IL21R: variants seen among roughly 807,000 people sequenced by gnomAD.
IL21R encodes the protein interleukin 21 receptor.
In IL21R, 14 loss-of-function variants were observed where a neutral mutation model predicts 41.3. That is an observed-to-expected ratio of 0.34 (90% CI 0.22 to 0.53). The LOEUF is 0.53. IL21R is among the 20% of genes least tolerant of loss of function. The pLI is 0.94. For synonymous variants in IL21R, 286 were observed against 287.6 expected, an observed-to-expected ratio of 0.99 and a Z score of 0.05; for missense variants, 588 against 681.6, an observed-to-expected ratio of 0.86 and a Z score of 1.53.
chr16:27,439,700 C>A (rs2087346418), intron 4 of IL21R, among the ~76,000 whole-genome samples: 1 of 152,190 alleles, frequency 6.6e-6, no homozygotes, highest in Non-Finnish European at 1.5e-5. Flanking sequence ...ACCCTCCTTG[C>A]CACTTGTCTT....
At chr16:27,432,837 G>A (rs1375504499) in intron 2 of IL21R, among the ~76,000 whole-genome samples, 3 of 152,148 alleles carry the variant, frequency 2.0e-5, no homozygotes, top group Non-Finnish European at 4.4e-5. Context: ...GAAGCATTCC[G>A]AGGTCACACC....
At chr16:27,410,615 G>T (rs1174344180) in intron 1 of IL21R, among the ~76,000 whole-genome samples, 1 of 152,108 alleles carries the variant, frequency 6.6e-6, no homozygotes, top group Admixed American at 6.5e-5. Flanking sequence ...CCTTTCCTTT[G>T]CTAATCTAAC....
At chr16:27,440,383 C>T in intron 4 of IL21R, among the ~76,000 whole-genome samples, 1 of 151,846 alleles carries the variant, frequency 6.6e-6, no homozygotes, top group East Asian at 1.9e-4. Context: ...AAGCGATCCT[C>T]CCACTTCGGC....
At chr16:27,421,094 C>A (rs1400175511) in intron 1 of IL21R, among the ~76,000 whole-genome samples, 1 of 151,968 alleles carries the variant, frequency 6.6e-6, no homozygotes, top group African/African-American at 2.4e-5. Context: ...TGTTTTGGCA[C>A]CCTCATCAAG....
intron 3 of IL21R, 52 bp from the exon 4 acceptor site, chr16:27,437,436 C>T (rs2087290359): frequency 3.4e-6 from 5 of 1,471,952 alleles, no homozygotes; most frequent in Non-Finnish European, 4.7e-6. Context: ...AGCCCACCAC[C>T]ATCCCCCCTG....
At chr16:27,418,331 G>A (rs984886135) in intron 1 of IL21R, among the ~76,000 whole-genome samples, 2 of 151,620 alleles carry the variant, frequency 1.3e-5, no homozygotes, top group African/African-American at 4.8e-5. Context: ...CCCTTCCAAA[G>A]CGCTGGGATT....
At chr16:27,430,555 A>G (rs1186896784) in intron 2 of IL21R, among the ~76,000 whole-genome samples, 4 of 152,042 alleles carry the variant, frequency 2.6e-5, no homozygotes, top group Non-Finnish European at 5.9e-5. Context: ...GGTGGCTCCT[A>G]CTGGAATCCC....
At chr16:27,424,226 C>A (rs989296096) in intron 1 of IL21R, among the ~76,000 whole-genome samples, 1 of 152,084 alleles carries the variant, frequency 6.6e-6, no homozygotes, top group Non-Finnish European at 1.5e-5. Flanking sequence ...AGGTGCCCAC[C>A]ACCACACCTG....
At chr16:27,406,423 G>C (rs179771) in intron 1 of IL21R, among the ~76,000 whole-genome samples, 70,501 of 151,044 alleles carry the variant, frequency 0.47, 17,099 homozygotes, top group East Asian at 0.8. Context: ...GCGGGTGCTG[G>C]GACTGGGACC....
At chr16:27,412,399 C>G (rs957533554) in intron 1 of IL21R, among the ~76,000 whole-genome samples, 2 of 150,706 alleles carry the variant, frequency 1.3e-5, no homozygotes, top group African/African-American at 4.9e-5. Flanking sequence ...CCTTCTCCTT[C>G]TCCTTCTCCT....
intron 1 of IL21R, among the ~76,000 whole-genome samples, chr16:27,414,567 G>GA (rs1459589187): frequency 1.4e-5 from 2 of 145,112 alleles, no homozygotes; most frequent in African/African-American, 5.2e-5. Context: ...ATCAATGAAA[G>GA]CACTGATGTG....
At chr16:27,413,404 C>T (rs1243983099) in intron 1 of IL21R, among the ~76,000 whole-genome samples, 1 of 151,910 alleles carries the variant, frequency 6.6e-6, no homozygotes, top group African/African-American at 2.4e-5. Context: ...ATCAAGAGTA[C>T]TGGTCTATGG....
chr16:27,422,277 A>T (rs568051308), intron 1 of IL21R, among the ~76,000 whole-genome samples: 1 of 151,836 alleles, frequency 6.6e-6, no homozygotes, highest in East Asian at 1.9e-4. Flanking sequence ...CTTTGTATTT[A>T]TCCTATTTGT....
At chr16:27,421,335 CA>C (rs35250936) in intron 1 of IL21R, among the ~76,000 whole-genome samples, 27,947 of 84,326 alleles carry the variant, frequency 0.33, 1,858 homozygotes, top group South Asian at 0.44. Context: ...TCAATTTCTG[CA>C]AAAAAAAAAA....
intron 1 of IL21R, among the ~76,000 whole-genome samples, chr16:27,405,529 T>G (rs1479811113): frequency 6.6e-6 from 1 of 152,200 alleles, no homozygotes; most frequent in Non-Finnish European, 1.5e-5. Context: ...CTAGGGTCAC[T>G]CAGGGAACCG....
intron 1 of IL21R, among the ~76,000 whole-genome samples, chr16:27,408,686 C>T (rs935602731): frequency 1.3e-5 from 2 of 152,170 alleles, no homozygotes; most frequent in Admixed American, 6.5e-5. Context: ...CTGTTGGCTC[C>T]TGTTCCTGGC....
In IL21R at chr16:27,425,753, G is replaced by A. The variant is rs11641299; in HGVS notation, c.-16-4303G>A. ...GTATTTTTAGTAGAGATGGGGTTTC[G>A]CCGTGTTGGCCAGGCTGGTCTCGAA... On this transcript the variant is annotated intron_variant, in intron 1 of 8. Transcript: ENST00000337929. Among the ~76,000 whole-genome samples, 8 of 151,860 alleles carry A rather than the reference G, an allele frequency of 5.3e-5. No individual in the cohort carries two copies. In the South Asian group the frequency reaches 1.3e-3, roughly 24 times the overall value.
chr16:27,444,445 C>T (rs555882897), intron 5 of IL21R, 97 bp from the exon 6 acceptor site: 2 of 780,426 alleles, frequency 2.6e-6, no homozygotes, highest in Middle Eastern at 3.7e-4. Context: ...GACACTCAGC[C>T]CCTTTGATGG....
intron 1 of IL21R, among the ~76,000 whole-genome samples, chr16:27,424,106 G>A (rs533239703): frequency 1.2e-3 from 184 of 151,774 alleles, no homozygotes; most frequent in Middle Eastern, 3.4e-3. Context: ...ATGGAGTCTC[G>A]CTCTGTCACC....
Sources: gnomAD v4.1 joint callset for allele counts (sites outside exome capture counted in the v4.1 genomes callset) on GRCh38, gnomAD v4.1.1 for gene constraint, MANE v1.5 for transcripts, NCBI Gene and HGNC (gene_info 2026-07-23, HGNC 2026-07-21) for gene names.